SSBP3: variants seen among roughly 807,000 people sequenced by gnomAD.
SSBP3 encodes single stranded DNA binding protein 3.
In SSBP3, 5 loss-of-function variants were observed where a neutral mutation model predicts 69.6. The ratio of observed to expected loss-of-function variants is 0.07; its 90% CI spans 0.04 to 0.15. The LOEUF is 0.15. SSBP3 is among the 10% of genes least tolerant of loss of function. The pLI is 1.00. For missense variants in SSBP3, 312 were observed against 534.0 expected (o/e 0.58, Z 4.10); for synonymous variants, 196 against 193.4 (o/e 1.01, Z -0.11).
chr1:54,239,846 G>GA (rs1644574437), intron 13 of SSBP3, among the ~76,000 whole-genome samples: 1 of 152,180 alleles, frequency 6.6e-6, no homozygotes, highest in Non-Finnish European at 1.5e-5. Context: ...GGGGGCGGGG[G>GA]AGAGTCCCCT....
intron 4 of SSBP3, among the ~76,000 whole-genome samples, chr1:54,294,631 G>C (rs1394231744): frequency 6.6e-6 from 1 of 152,202 alleles, no homozygotes; most frequent in Non-Finnish European, 1.5e-5. Flanking sequence ...CTGGGTGCAG[G>C]AAGGGGTTCA....
At chr1:54,406,448 A>C (rs1312221631), upstream of SSBP3, 1 of 152,422 alleles carries the variant, frequency 6.6e-6, no homozygotes, top group Non-Finnish European at 1.5e-5. Context: ...GGCGGGCGGC[A>C]ACGTCCCGCG....
chr1:54,236,884 G>A lies in SSBP3; in HGVS notation c.927+2245C>T, dbSNP rs1237198028. ...AATTACACCCCTTTGTGACAGTGTC[G>A]GGTACGAGGTGTGAACATTTAGCAG... On this transcript the variant is annotated intron_variant, in intron 14 of 17. Coordinates refer to ENST00000610401, the Ensembl canonical transcript of SSBP3. 3 of 152,178 alleles carry A rather than the reference G, an allele frequency of 2.0e-5. No homozygotes were observed. In the East Asian group the frequency reaches 5.8e-4, roughly 29 times the overall value. 9.4% of individuals were successfully genotyped at this position (152,178 alleles called of 1,614,324 possible). A position where few individuals can be genotyped will look rare whatever the true frequency, so the allele number is the denominator to read the frequency against.
intron 4 of SSBP3, among the ~76,000 whole-genome samples, chr1:54,386,570 T>TC (rs1331346764): frequency 6.6e-6 from 1 of 151,524 alleles, no homozygotes; most frequent in African/African-American, 2.4e-5. Flanking sequence ...CGACACAGCA[T>TC]CCGCCAGAAA....
chr1:54,238,159 G>A (rs1451376632), intron 14 of SSBP3: 1 of 471,018 alleles, frequency 2.1e-6, no homozygotes, highest in Non-Finnish European at 4.4e-6. Flanking sequence ...CCCTCAGAGG[G>A]CTGCTGGATG....
At chr1:54,352,668 C>A (rs1040714831) in intron 4 of SSBP3, among the ~76,000 whole-genome samples, 3 of 152,208 alleles carry the variant, frequency 2.0e-5, no homozygotes, top group Non-Finnish European at 4.4e-5. Context: ...GAAGAAGCTG[C>A]GTCTTGCCGT....
In SSBP3 at chr1:54,251,857, G is replaced by A. The variant is rs1644836357; in HGVS notation, c.511C>T (p.Pro171Ser). Residue 171 changes from proline (P) to serine (S), a missense_variant, in exon 8 of 18, where the codon CCG becomes TCG. Coordinates refer to ENST00000610401, the Ensembl canonical transcript of SSBP3. ...GGCTGTGTCCCAGGAACTCCTCCCGGAGGCTGAAAGAGATGCAAGACACAA... is the reference window on the plus strand; with the variant it reads ...GGCTGTGTCCCAGGAACTCCTCCCGAAGGCTGAAAGAGATGCAAGACACAA... 2 of 1,611,312 alleles carry A rather than the reference G, an allele frequency of 1.2e-6. No homozygotes were observed. Among genetic ancestry groups the A allele is most frequent in the Non-Finnish European group, 1.7e-6 (2 of 1,179,644 alleles).
intron 4 of SSBP3, chr1:54,287,359 G>A (rs1645510172): frequency 6.6e-6 from 1 of 152,308 alleles, no homozygotes; most frequent in African/African-American, 2.4e-5. Context: ...AGAACCGCAT[G>A]TGCAGACGAC....
intron 4 of SSBP3, 105 bp from the exon 5 acceptor site, chr1:54,281,632 G>A (rs1645394522): frequency 9.4e-7 from 1 of 1,066,364 alleles, no homozygotes; most frequent in African/African-American, 1.6e-5. Context: ...ATTCCCCGTG[G>A]ACCTTCCTCA....
At chr1:54,240,641 C>T (rs1390023645) in intron 13 of SSBP3, among the ~76,000 whole-genome samples, 7 of 152,040 alleles carry the variant, frequency 4.6e-5, no homozygotes, top group Admixed American at 2.0e-4. Flanking sequence ...CAGGGTTCTT[C>T]CCAACAAAAG....
intron 5 of SSBP3, among the ~76,000 whole-genome samples, chr1:54,280,979 T>C (rs1645381380): frequency 6.6e-6 from 1 of 152,028 alleles, no homozygotes; most frequent in South Asian, 2.1e-4. Flanking sequence ...TGGTGGGTTT[T>C]TGTGTTTTTT....
intron 4 of SSBP3, among the ~76,000 whole-genome samples, chr1:54,381,153 G>A (rs1362238955): frequency 1.3e-5 from 2 of 152,026 alleles, no homozygotes. Context: ...GGGAGGCCGA[G>A]GCTGGTGGAT....
chr1:54,360,470 A>G (rs957309478), intron 4 of SSBP3, among the ~76,000 whole-genome samples: 2 of 152,196 alleles, frequency 1.3e-5, no homozygotes, highest in Non-Finnish European at 2.9e-5. Context: ...CAACTACAGA[A>G]TAACAGCGCT....
chr1:54,307,488 C>A (rs901051677), intron 4 of SSBP3, among the ~76,000 whole-genome samples: 1 of 152,206 alleles, frequency 6.6e-6, no homozygotes, highest in Non-Finnish European at 1.5e-5. Flanking sequence ...TAGACTTGGG[C>A]TCCTTGAGGG....
intron 4 of SSBP3, among the ~76,000 whole-genome samples, chr1:54,350,453 T>C (rs1646763774): frequency 1.3e-5 from 2 of 152,204 alleles, no homozygotes; most frequent in Non-Finnish European, 2.9e-5. Context: ...AGTAGTCCTG[T>C]TTTTCTCAAG....
At chr1:54,301,358 T>A (rs1392990423) in intron 4 of SSBP3, among the ~76,000 whole-genome samples, 4 of 152,152 alleles carry the variant, frequency 2.6e-5, no homozygotes, top group Non-Finnish European at 5.9e-5. Context: ...CAAGCTAACC[T>A]AAGGGGCACA....
chr1:54,310,043 C>T (rs1415614352), intron 4 of SSBP3, among the ~76,000 whole-genome samples: 1 of 152,142 alleles, frequency 6.6e-6, no homozygotes, highest in Non-Finnish European at 1.5e-5. Context: ...CCTTTGAATA[C>T]CCGCAGATCT....
chr1:54,341,002 C>T (rs932163893), intron 4 of SSBP3, among the ~76,000 whole-genome samples: 3 of 152,250 alleles, frequency 2.0e-5, no homozygotes, highest in Admixed American at 2.0e-4. Context: ...AGACCAGCAA[C>T]TTAAGTTCCT....
chr1:54,265,516 T>C (rs1645086245), intron 5 of SSBP3, among the ~76,000 whole-genome samples: 1 of 152,062 alleles, frequency 6.6e-6, no homozygotes, highest in South Asian at 2.1e-4. Context: ...TTCTGCGTGG[T>C]CCCCGAGAGC....
Sources: gnomAD v4.1 joint callset for allele counts (sites outside exome capture counted in the v4.1 genomes callset) on GRCh38, gnomAD v4.1.1 for gene constraint, MANE v1.5 for transcripts, NCBI Gene and HGNC (gene_info 2026-07-23, HGNC 2026-07-21) for gene names.